Variants in OTULIN observed in about 807,000 individuals in gnomAD.
OTULIN encodes OTU deubiquitinase with linear linkage specificity.
A neutral mutation model predicts 39.6 loss-of-function variants in OTULIN; 15 were observed. The observed-to-expected ratio is 0.38, with a 90% CI of 0.25 to 0.58. The LOEUF (loss-of-function observed/expected upper bound fraction) is 0.58. Among genes scored for constraint, OTULIN ranks in the 20% least tolerant of loss-of-function variants. The pLI is 0.66. For synonymous variants in OTULIN, 156 were observed against 170.3 expected, an observed-to-expected ratio of 0.92 and a Z score of 0.65; for missense variants, 319 against 445.9, an observed-to-expected ratio of 0.72 and a Z score of 2.56.
chr5:14,704,360 T>TA (rs1165438103), downstream of OTULIN, among the ~76,000 whole-genome samples: 1 of 127,018 alleles, frequency 7.9e-6, no homozygotes, highest in African/African-American at 3.0e-5. Context: ...AAAAAAGTGA[T>TA]AAAAGAGTAA....
At chr5:14,669,353 G>A (rs568045561) in intron 1 of OTULIN, among the ~76,000 whole-genome samples, 1 of 149,128 alleles carries the variant, frequency 6.7e-6, no homozygotes, top group African/African-American at 2.6e-5. Flanking sequence ...CAATAAGAGC[G>A]AAACTCCGTC....
At chr5:14,672,650 C>T (rs1021862896) in intron 1 of OTULIN, among the ~76,000 whole-genome samples, 2 of 152,120 alleles carry the variant, frequency 1.3e-5, no homozygotes, top group African/African-American at 4.8e-5. Context: ...TCCTTGTTTT[C>T]TGCTCAGTGT....
chr5:14,713,735 C>A, the OTULIN span: 3 of 1,609,108 alleles, frequency 1.9e-6, no homozygotes, highest in Non-Finnish European at 2.5e-6. This position sits in a 1 kb window ranked among gnomAD's most constrained non-coding sequence, Gnocchi z 4.4. Context: ...TGCCTCTGGA[C>A]CAGGGCAGCA....
the OTULIN span, among the ~76,000 whole-genome samples, chr5:14,715,280 C>T: frequency 0.018 from 2,774 of 152,262 alleles, 95 homozygotes; most frequent in African/African-American, 0.063. Context: ...TACAGGCATG[C>T]GCCACCACGC....
the OTULIN span, among the ~76,000 whole-genome samples, chr5:14,714,590 T>C: frequency 1.3e-5 from 2 of 152,156 alleles, no homozygotes; most frequent in Admixed American, 6.5e-5. Context: ...GGTCTAACAG[T>C]GTGTCCTGCC....
At chr5:14,674,718 G>A (rs1454637458) in intron 2 of OTULIN, among the ~76,000 whole-genome samples, 2 of 151,834 alleles carry the variant, frequency 1.3e-5, no homozygotes. Flanking sequence ...TTGCATTACT[G>A]CACTCCAACC....
chr5:14,701,578 T>C (rs1021913378), downstream of OTULIN, among the ~76,000 whole-genome samples: 3 of 152,146 alleles, frequency 2.0e-5, no homozygotes, highest in East Asian at 5.8e-4. Context: ...TCAGTGTCGC[T>C]CTCTGCAAAG....
rs1736577672 is a variant in OTULIN at position 14,693,198 on chromosome 5, C to G, written c.*150C>G. ...CAAGTTGGACAGGATGTCCTGAAGA[C>G]TAGCTTTTGATAAGAGAAATTAACC... On this transcript the variant is annotated 3_prime_UTR_variant, in exon 7 of 7. Transcript: ENST00000284274. 1 of 644,016 alleles carries G rather than the reference C, an allele frequency of 1.6e-6. No homozygotes were observed. The highest frequency in any genetic ancestry group is 1.8e-5 in the African/African-American group (1 of 54,636). 39.9% of individuals were successfully genotyped at this position (644,016 alleles called of 1,614,324 possible).
Position 14,696,667 on chromosome 5 carries a change from T to G in OTULIN, c.*3619T>G, listed in dbSNP as rs1348932645. On this transcript the variant is annotated 3_prime_UTR_variant, in exon 7 of 7. Coordinates refer to ENST00000284274, the MANE Select transcript of OTULIN (RefSeq NM_138348.6). ...GCCATACAGACCTCCTGTGCTTAAG[T>G]TATAGAAGAATAAAAATCTGAATGA... 1 of 152,124 alleles carries G rather than the reference T, an allele frequency of 6.6e-6. No individual in the cohort carries two copies. Among genetic ancestry groups the G allele is most frequent in the Non-Finnish European group, 1.5e-5 (1 of 68,016 alleles). 9.4% of individuals were successfully genotyped at this position (152,124 alleles called of 1,614,324 possible).
chr5:14,675,354 G>A (rs1188856496), intron 2 of OTULIN, among the ~76,000 whole-genome samples: 1 of 152,212 alleles, frequency 6.6e-6, no homozygotes, highest in Non-Finnish European at 1.5e-5. Context: ...TACACAGTGT[G>A]GTTTTTATAA....
intron 3 of OTULIN, among the ~76,000 whole-genome samples, chr5:14,679,472 C>T (rs926390890): frequency 1.3e-5 from 2 of 152,166 alleles, no homozygotes; most frequent in East Asian, 3.8e-4. Context: ...CAGATTTAAC[C>T]TAAGACTTCC....
At chr5:14,678,826 A>G (rs577574357) in intron 3 of OTULIN, 51 bp downstream of exon 3, 3 of 1,246,272 alleles carry the variant, frequency 2.4e-6, no homozygotes, top group South Asian at 1.4e-5. Flanking sequence ...GTCTATCATA[A>G]GTTGTTTAAT....
chr5:14,680,028 G>A (rs1246566025), intron 3 of OTULIN, among the ~76,000 whole-genome samples: 4 of 152,150 alleles, frequency 2.6e-5, no homozygotes, highest in African/African-American at 9.7e-5. Context: ...CCTTATTGGC[G>A]TGATTGTCTG....
the OTULIN span, chr5:14,711,313 A>G: frequency 1.2e-6 from 2 of 1,611,722 alleles, no homozygotes; most frequent in Non-Finnish European, 1.7e-6. Context: ...TTCTTTTTCT[A>G]GACCAAAGAA....
At chr5:14,710,378 AG>A in the OTULIN span, 1 of 152,258 alleles carries the variant, frequency 6.6e-6, no homozygotes, top group Non-Finnish European at 1.5e-5. Context: ...GTCATGCGGC[AG>A]GGTCTGGAAT....
intron 1 of OTULIN, among the ~76,000 whole-genome samples, chr5:14,671,001 T>G (rs564711621): frequency 2.6e-5 from 4 of 152,318 alleles, no homozygotes; most frequent in African/African-American, 9.6e-5. Context: ...TCTCTTATTC[T>G]TCCATTTCTG....
In OTULIN at chr5:14,693,445, T is replaced by C. The variant is rs1360730408; in HGVS notation, c.*397T>C. The C allele has an allele frequency of 6.0e-6, 1 of 166,354 alleles. No homozygotes were observed. The allele number at this position is 166,354 out of a possible 1,614,324, so 10.3% of individuals were successfully genotyped here. Reference sequence around the variant, plus strand: ...AAGTACAGTATTTTTTTTTCCCCTTTAGTAGTAACGGGTTTCTATAGATCT... The same window carrying C: ...AAGTACAGTATTTTTTTTTCCCCTTCAGTAGTAACGGGTTTCTATAGATCT... On this transcript the variant is annotated 3_prime_UTR_variant, in exon 7 of 7. Coordinates refer to ENST00000284274, the MANE Select transcript of OTULIN (RefSeq NM_138348.6).
rs138494811 is a variant in OTULIN, at chr5:14,689,326, G to A, written c.595-713G>A. Among the ~76,000 whole-genome samples the A allele has an allele frequency of 3.9e-4, 60 of 152,254 alleles. No homozygotes were observed. The East Asian group carries it at 0.011, about 28-fold the overall frequency. On this transcript the variant is annotated intron_variant, in intron 5 of 6. Transcript: ENST00000284274. Reference sequence around the variant, plus strand: ...CACTCTTGTATTTAAAATCCATAATGGTGTTTGAGAGGGGCACTAGTTATT... The same window carrying A: ...CACTCTTGTATTTAAAATCCATAATAGTGTTTGAGAGGGGCACTAGTTATT...
intron 5 of OTULIN, chr5:14,687,866 G>T: frequency 2.9e-6 from 1 of 350,850 alleles, no homozygotes; most frequent in African/African-American, 2.1e-5. Flanking sequence ...ATGTACTAGG[G>T]TATCAAATAA....
Sources: gnomAD v4.1 joint callset for allele counts (sites outside exome capture counted in the v4.1 genomes callset) on GRCh38, gnomAD v4.1.1 for gene constraint, Gnocchi (gnomAD v3.1) non-coding constraint, MANE v1.5 for transcripts, NCBI Gene and HGNC (gene_info 2026-07-23, HGNC 2026-07-21) for gene names.